TRIM24: variants seen among roughly 807,000 people sequenced by gnomAD.
TRIM24 encodes the protein tripartite motif containing 24.
TRIM24 carries 29 observed loss-of-function variants against 123.9 expected under a neutral mutation model. The ratio of observed to expected loss-of-function variants is 0.23; its 90% confidence interval spans 0.17 to 0.32. The LOEUF is 0.32. Among genes scored for constraint, TRIM24 ranks in the 10% least tolerant of loss-of-function variants. TRIM24 has a pLI of 1.00. For missense variants in TRIM24, 932 were observed against 1,295.3 expected, an observed-to-expected ratio of 0.72 and a Z score of 4.31; for synonymous variants, 456 against 461.1, an observed-to-expected ratio of 0.99 and a Z score of 0.14.
At chr7:138,462,213 A>G (rs1451079797) in intron 1 of TRIM24, among the ~76,000 whole-genome samples, 3 of 152,172 alleles carry the variant, frequency 2.0e-5, no homozygotes, top group African/African-American at 7.2e-5. Flanking sequence ...CCCATCTTAA[A>G]AGATTAGGGT....
chr7:138,511,323 T>A (rs1796282812), intron 2 of TRIM24, among the ~76,000 whole-genome samples: 1 of 150,620 alleles, frequency 6.6e-6, no homozygotes, highest in Non-Finnish European at 1.5e-5. Flanking sequence ...TTTTTTGAGA[T>A]GGAGTTTTAC....
chr7:138,568,119 T>A (rs1466820744), intron 10 of TRIM24, among the ~76,000 whole-genome samples: 1 of 151,664 alleles, frequency 6.6e-6, no homozygotes, highest in East Asian at 1.9e-4. Flanking sequence ...TATTTATTTT[T>A]ATTTTTTTAT....
intron 9 of TRIM24, among the ~76,000 whole-genome samples, chr7:138,565,448 T>G (rs1297815184): frequency 5.9e-5 from 9 of 152,188 alleles, no homozygotes; most frequent in Admixed American, 5.9e-4. Flanking sequence ...TCCATTGTGC[T>G]GTCAGGTAGG....
At chr7:138,509,346 A>G (rs1019508077) in intron 2 of TRIM24, among the ~76,000 whole-genome samples, 1 of 148,640 alleles carries the variant, frequency 6.7e-6, no homozygotes, top group Non-Finnish European at 1.5e-5. Flanking sequence ...TTATATGCAT[A>G]ATTTATATGC....
At chr7:138,576,552 T>A in intron 13 of TRIM24, 107 bp downstream of exon 13, 1 of 861,556 alleles carries the variant, frequency 1.2e-6, no homozygotes, top group Non-Finnish European at 1.7e-6. Context: ...ACAATTTCCT[T>A]TATTTTTAAT....
intron 9 of TRIM24, among the ~76,000 whole-genome samples, chr7:138,562,370 C>T (rs1481366125): frequency 6.6e-6 from 1 of 152,128 alleles, no homozygotes; most frequent in African/African-American, 2.4e-5. Flanking sequence ...GTAAACCAGG[C>T]AGCACTTGCT....
At chr7:138,558,437 CAG>C (rs1274496097) in intron 9 of TRIM24, among the ~76,000 whole-genome samples, 32 of 152,276 alleles carry the variant, frequency 2.1e-4, no homozygotes, top group African/African-American at 7.2e-4. Context: ...AGAGGACAGT[CAG>C]AGTAAAGTTA....
At chr7:138,517,660 C>T (rs1441169379) in intron 3 of TRIM24, among the ~76,000 whole-genome samples, 1 of 152,122 alleles carries the variant, frequency 6.6e-6, no homozygotes, top group African/African-American at 2.4e-5. Flanking sequence ...AGATGTGAGC[C>T]ACCACGCCTG....
At position 138,579,421 on chromosome 7, in the gene TRIM24, A is replaced by G. The variant is rs1797847139; in HGVS notation, c.2474A>G (p.Asn825Ser). The G allele has an allele frequency of 6.2e-7, 1 of 1,614,136 alleles. No individual in the cohort carries two copies. The change falls in exon 15 of 19, where the codon AAT becomes AGT. Residue 825 changes from asparagine to serine, a missense_variant. Asn to Ser is a conservative substitution (Grantham distance 46, BLOSUM62 1). This residue lies in a region of TRIM24 where 527 missense variants were observed against 691.3 expected (regional missense o/e 0.76). Coordinates refer to ENST00000343526, the MANE Select transcript of TRIM24 (RefSeq NM_015905.3). ...VGETRKEDDP[N>S]EDWCAVCQNG... Reference sequence around the variant, plus strand: ...GAGACAAGGAAAGAGGATGACCCCAATGAGGACTGGTGTGCAGTTTGTCAA... The same window carrying G: ...GAGACAAGGAAAGAGGATGACCCCAGTGAGGACTGGTGTGCAGTTTGTCAA...
Position 138,527,100 on chromosome 7 carries a change from C to T in TRIM24, c.881+1743C>T, listed in dbSNP as rs989513609. On this transcript the variant is annotated intron_variant, in intron 5 of 18. Coordinates refer to ENST00000343526, the MANE Select transcript of TRIM24 (RefSeq NM_015905.3). ...CACTATCATTTGTTGAAAAAACTTT[C>T]TGTTGAATTGTTTTTCAGCACCTTT... Among the ~76,000 whole-genome samples, 8 of 152,054 alleles carry T rather than the reference C, an allele frequency of 5.3e-5. No homozygotes were observed. In the South Asian group the frequency reaches 1.7e-3, roughly 32 times the overall value.
intron 5 of TRIM24, among the ~76,000 whole-genome samples, chr7:138,528,013 A>C (rs1271158296): frequency 1.3e-5 from 2 of 152,218 alleles, no homozygotes; most frequent in East Asian, 1.9e-4. Context: ...GTGAAAGCTC[A>C]GGTACAGAAG....
At chr7:138,564,395 G>A (rs983715729) in intron 9 of TRIM24, among the ~76,000 whole-genome samples, 12 of 152,180 alleles carry the variant, frequency 7.9e-5, no homozygotes, top group African/African-American at 2.2e-4. Flanking sequence ...CTTGGGGGCC[G>A]TTGGCCTCAG....
chr7:138,463,989 C>CCTTTTTTTTTTT (rs1554429651), intron 1 of TRIM24, among the ~76,000 whole-genome samples: 1 of 50,766 alleles, frequency 2.0e-5, no homozygotes, highest in Non-Finnish European at 3.6e-5. Context: ...AAAATTTAGA[C>CCTTTTTTTTTTT]TTTTTTTTTT....
At chr7:138,564,939 C>A (rs978854989) in intron 9 of TRIM24, among the ~76,000 whole-genome samples, 8 of 152,144 alleles carry the variant, frequency 5.3e-5, no homozygotes, top group Non-Finnish European at 1.2e-4. Context: ...CACTTCGGAC[C>A]GATTAGACCG....
intron 1 of TRIM24, among the ~76,000 whole-genome samples, chr7:138,493,553 A>T (rs1795840763): frequency 6.6e-6 from 1 of 152,148 alleles, no homozygotes; most frequent in African/African-American, 2.4e-5. Flanking sequence ...TGGATTTTTT[A>T]AAAATAGTGT....
chr7:138,476,241 T>C (rs76984163), intron 1 of TRIM24, among the ~76,000 whole-genome samples: 1 of 152,180 alleles, frequency 6.6e-6, no homozygotes, highest in African/African-American at 2.4e-5. Context: ...TATACATTTT[T>C]GTAAATGCGC....
At chr7:138,490,861 C>T in intron 1 of TRIM24, 1 of 454,462 alleles carries the variant, frequency 2.2e-6, no homozygotes, top group South Asian at 1.7e-5. Flanking sequence ...GTCATGATTT[C>T]CAGCATCTTC....
intron 1 of TRIM24, among the ~76,000 whole-genome samples, chr7:138,484,739 G>A (rs183143325): frequency 4.6e-5 from 7 of 152,100 alleles, no homozygotes; most frequent in African/African-American, 1.7e-4. Context: ...TTCCCTGAAG[G>A]AATTTCATGA....
intron 18 of TRIM24, among the ~76,000 whole-genome samples, 188 bp downstream of exon 18, chr7:138,584,187 T>C (rs187941576): frequency 1.3e-5 from 2 of 152,354 alleles, no homozygotes; most frequent in Non-Finnish European, 2.9e-5. Flanking sequence ...GTTTATTAGA[T>C]GGTGATGGAA....
Sources: allele counts gnomAD v4.1 joint callset (sites outside exome capture counted in the v4.1 genomes callset), GRCh38; gene constraint gnomAD v4.1.1; regional missense constraint gnomAD v4.1.1; transcripts MANE v1.5; gene names NCBI Gene and HGNC (gene_info 2026-07-23, HGNC 2026-07-21).